Variants in SNTG2 observed in about 807,000 individuals in gnomAD.
The protein encoded by SNTG2 is syntrophin gamma 2.
In SNTG2, 74 loss-of-function variants were observed where a neutral mutation model predicts 70.9. That is an observed-to-expected ratio of 1.04 (90% CI 0.86 to 1.27). The LOEUF is 1.27. Among genes scored for constraint, SNTG2 ranks in the 50% most tolerant of loss-of-function variants. SNTG2 has a pLI of 0.00. For missense variants in SNTG2, 717 were observed against 690.7 expected (o/e 1.04, Z -0.43); for synonymous variants, 278 against 273.8 (o/e 1.02, Z -0.15).
chr2:1,199,555 C>A (rs1157682743), intron 8 of SNTG2, among the ~76,000 whole-genome samples: 1 of 152,012 alleles, frequency 6.6e-6, no homozygotes, highest in Non-Finnish European at 1.5e-5. Context: ...AAAAGGCATT[C>A]ACATTGAAAA....
chr2:1,360,998 C>T (rs761976802), intron 16 of SNTG2, among the ~76,000 whole-genome samples: 11 of 152,330 alleles, frequency 7.2e-5, no homozygotes, highest in East Asian at 1.9e-4. Flanking sequence ...CAGTCCCCAG[C>T]GCTGTCTCTT....
At position 1,186,122 on chromosome 2, in the gene SNTG2, C is replaced by T. The variant is rs529063290; in HGVS notation, c.591+12939C>T. ...CATAACTCTCAAGTTCAATGTTGCA[C>T]AGATCCCTAGAGCAGGGGCACAATG... On this transcript the variant is annotated intron_variant, in intron 8 of 16. Transcript: ENST00000308624. 2.6e-5 allele frequency among the ~76,000 whole-genome samples: 4 copies of T among 151,428 alleles called. No homozygotes were observed. The South Asian group carries it at 8.5e-4, about 32-fold the overall frequency.
intron 1 of SNTG2, among the ~76,000 whole-genome samples, chr2:1,018,936 T>C (rs1039944746): frequency 6.6e-6 from 1 of 152,192 alleles, no homozygotes; most frequent in Non-Finnish European, 1.5e-5. Flanking sequence ...TGTGAAGAGA[T>C]GCCCATTGTC....
In SNTG2 at chr2:1,005,687, C is replaced by G. The variant is rs553287469; in HGVS notation, c.72+54619C>G. Among the ~76,000 whole-genome samples, 7 of 150,584 alleles carry G rather than the reference C, an allele frequency of 4.6e-5. No homozygotes were observed. In the East Asian group the frequency reaches 1.4e-3, roughly 31 times the overall value. On this transcript the variant is annotated intron_variant, in intron 1 of 16. Transcript: ENST00000308624. ...GGCGTGGTGACATGTGCCTATAGTCCCAGCTACTCAGGAGGCTGAGGCAGG... is the reference window on the plus strand; with the variant it reads ...GGCGTGGTGACATGTGCCTATAGTCGCAGCTACTCAGGAGGCTGAGGCAGG...
At chr2:965,213 A>G (rs111626967) in intron 1 of SNTG2, among the ~76,000 whole-genome samples, 28 of 64,196 alleles carry the variant, frequency 4.4e-4, no homozygotes, top group Non-Finnish European at 5.1e-4. Flanking sequence ...CTGGTCCCCA[A>G]TCCTCCTCCT....
At chr2:1,124,517 C>T (rs532269499) in intron 4 of SNTG2, among the ~76,000 whole-genome samples, 5 of 151,990 alleles carry the variant, frequency 3.3e-5, no homozygotes, top group South Asian at 2.1e-4. Context: ...AGGATGGTCT[C>T]GATCTCTTGA....
At chr2:1,091,974 A>G (rs1665057098) in intron 2 of SNTG2, among the ~76,000 whole-genome samples, 1 of 152,212 alleles carries the variant, frequency 6.6e-6, no homozygotes, top group South Asian at 2.1e-4. Flanking sequence ...TAAAAAGTGG[A>G]GAGAGATTCA....
At chr2:1,148,314 T>A (rs28380583) in intron 6 of SNTG2, among the ~76,000 whole-genome samples, 1 of 152,022 alleles carries the variant, frequency 6.6e-6, no homozygotes, top group Non-Finnish European at 1.5e-5. Context: ...TCCTTATTTC[T>A]CACATGGAGA....
At chr2:1,067,311 G>A (rs1304882131) in intron 1 of SNTG2, among the ~76,000 whole-genome samples, 3 of 151,766 alleles carry the variant, frequency 2.0e-5, no homozygotes, top group African/African-American at 4.9e-5. Flanking sequence ...TAACATCACC[G>A]GTTTATCACT....
intron 1 of SNTG2, among the ~76,000 whole-genome samples, chr2:967,571 A>G (rs548772639): frequency 3.1e-4 from 47 of 152,314 alleles, no homozygotes; most frequent in Admixed American, 1.2e-3. Flanking sequence ...GTCACAATGT[A>G]TCATCTTTTT....
chr2:1,354,706 C>T (rs376546624), intron 16 of SNTG2, among the ~76,000 whole-genome samples: 1 of 56,310 alleles, frequency 1.8e-5, no homozygotes, highest in African/African-American at 5.9e-5. Context: ...CTGGCTGTTC[C>T]GAGGCAGAGC....
chr2:1,109,804 G>T (rs1337969539), intron 4 of SNTG2, among the ~76,000 whole-genome samples: 1 of 152,206 alleles, frequency 6.6e-6, no homozygotes, highest in Non-Finnish European at 1.5e-5. Flanking sequence ...TAGCTAATTT[G>T]ATGTGTATAT....
chr2:978,599 G>A (rs181890431), intron 1 of SNTG2, among the ~76,000 whole-genome samples: 1 of 152,268 alleles, frequency 6.6e-6, no homozygotes, highest in Non-Finnish European at 1.5e-5. Context: ...GTTTGCTGAA[G>A]CCTTCTGCCC....
intron 15 of SNTG2, among the ~76,000 whole-genome samples, chr2:1,310,721 G>A (rs1337507569): frequency 2.6e-5 from 4 of 152,104 alleles, no homozygotes; most frequent in Non-Finnish European, 5.9e-5. Context: ...CCCTGGCGTG[G>A]TCAATGCCAG....
rs1659578594 is a variant in SNTG2, at chr2:1,006,571, G to A, written c.72+55503G>A. On this transcript the variant is annotated intron_variant, in intron 1 of 16. Coordinates refer to ENST00000308624, the MANE Select transcript of SNTG2 (RefSeq NM_018968.4). Reference sequence around the variant, plus strand: ...TGTATAGACTTGGCCCGCCACATCCGTGGGTTCAACCAACTGTGGATGGAA... The same window carrying A: ...TGTATAGACTTGGCCCGCCACATCCATGGGTTCAACCAACTGTGGATGGAA... Among the ~76,000 whole-genome samples the A allele has an allele frequency of 2.0e-5, 3 of 152,222 alleles. No homozygotes were observed. In the South Asian group the frequency reaches 6.2e-4, roughly 32 times the overall value.
chr2:981,061 C>T (rs1410813159), intron 1 of SNTG2, among the ~76,000 whole-genome samples: 2 of 152,120 alleles, frequency 1.3e-5, no homozygotes, highest in Non-Finnish European at 2.9e-5. Flanking sequence ...CAGGCTGTGT[C>T]CTGAATTTGA....
intron 6 of SNTG2, among the ~76,000 whole-genome samples, chr2:1,145,816 G>A (rs1669064519): frequency 6.6e-6 from 1 of 152,116 alleles, no homozygotes; most frequent in Non-Finnish European, 1.5e-5. Context: ...CAAAATATTA[G>A]CAAATGGAAT....
chr2:1,050,149 C>G (rs1156446871), intron 1 of SNTG2, among the ~76,000 whole-genome samples: 1 of 152,042 alleles, frequency 6.6e-6, no homozygotes, highest in Admixed American at 6.6e-5. Context: ...TCTATGGGTT[C>G]CCTTTTACTC....
chr2:1,365,184 T>A (rs2148325686), intron 16 of SNTG2, among the ~76,000 whole-genome samples: 1 of 152,196 alleles, frequency 6.6e-6, no homozygotes, highest in Non-Finnish European at 1.5e-5. Flanking sequence ...CCAGCTTGAA[T>A]TAAAGTTTAA....
Sources: allele counts gnomAD v4.1 joint callset (sites outside exome capture counted in the v4.1 genomes callset), GRCh38; gene constraint gnomAD v4.1.1; transcripts MANE v1.5; gene names NCBI Gene and HGNC (gene_info 2026-07-23, HGNC 2026-07-21).